The following CCDC93 variants were observed in gnomAD, a reference collection of about 807,000 sequenced individuals.
The protein encoded by CCDC93 is CCC complex scaffolding subunit CCDC93, also known as coiled-coil domain-containing protein 93.
CCDC93 carries 61 observed loss-of-function variants against 108.2 expected under a neutral mutation model. The observed-to-expected ratio is 0.56, with a 90% CI of 0.46 to 0.70. CCDC93 has a LOEUF of 0.70. CCDC93 is among the 30% of genes least tolerant of loss of function. CCDC93 has a pLI of 0.00. For synonymous variants in CCDC93, 276 were observed against 260.4 expected (o/e 1.06, Z -0.58); for missense variants, 685 against 764.2 (o/e 0.90, Z 1.22).
intron 7 of CCDC93, among the ~76,000 whole-genome samples, chr2:117,980,267 ACT>A (rs1680076790): frequency 1.3e-5 from 2 of 152,206 alleles, no homozygotes; most frequent in Non-Finnish European, 2.9e-5. Context: ...GTGGGAGGGT[ACT>A]GTTTTTTCAA....
intron 11 of CCDC93, among the ~76,000 whole-genome samples, chr2:117,961,081 G>A (rs1317505004): frequency 6.6e-6 from 1 of 151,944 alleles, no homozygotes; most frequent in South Asian, 2.1e-4. Context: ...TGGTTCACTT[G>A]GTAACCCACC....
At chr2:117,931,563 A>G (rs1455196959) in intron 22 of CCDC93, 3 of 161,580 alleles carry the variant, frequency 1.9e-5, no homozygotes, top group Non-Finnish European at 2.7e-5. Context: ...TGCACAGGAC[A>G]CCCCCACAGC....
At chr2:117,975,610 G>C (rs753383614) in intron 8 of CCDC93, among the ~76,000 whole-genome samples, 10 of 152,202 alleles carry the variant, frequency 6.6e-5, no homozygotes, top group South Asian at 2.1e-4. Context: ...TACTAAAGGA[G>C]TGTTTCTTCA....
In CCDC93 at chr2:118,008,589, C is replaced by G; in HGVS notation, c.112G>C (p.Gly38Arg). The change falls in exon 2 of 24, where the codon GGG becomes CGG. Residue 38 changes from glycine to arginine, a missense_variant. Physicochemically the swap from Gly to Arg is moderately radical, Grantham distance 125. Transcript: ENST00000376300. ...CCTTTAATTCTTGCCCTGAAATACC[C>G]AGCTGCAACCAAGAGCTCCAGAATT... ...TEILELLVAA[G>R]YFRARIKGLS... The G allele has an allele frequency of 6.2e-7, 1 of 1,613,658 alleles. No homozygotes were observed. Among genetic ancestry groups the G allele is most frequent in the Non-Finnish European group, 8.5e-7 (1 of 1,179,584 alleles).
intron 13 of CCDC93, chr2:117,950,892 T>C (rs1425976514): frequency 1.0e-6 from 1 of 985,420 alleles, no homozygotes; most frequent in Non-Finnish European, 1.2e-6. Context: ...CTCTCTGCCT[T>C]AGCTTTCCCA....
intron 10 of CCDC93, 145 bp from the exon 11 acceptor site, chr2:117,974,139 T>G: frequency 1.5e-6 from 1 of 667,502 alleles, no homozygotes; most frequent in Non-Finnish European, 2.7e-6. Context: ...TGCCACATAT[T>G]ACCAACAGAA....
intron 13 of CCDC93, chr2:117,951,668 A>G: frequency 1.0e-6 from 1 of 1,000,266 alleles, no homozygotes; most frequent in Non-Finnish European, 1.2e-6. Context: ...ATCACAAGGA[A>G]GACAGCTTTT....
chr2:117,993,153 T>C (rs543164610), intron 6 of CCDC93, among the ~76,000 whole-genome samples: 87 of 152,188 alleles, frequency 5.7e-4, no homozygotes, highest in African/African-American at 2.0e-3. Context: ...TCCCAGCACT[T>C]TGGGAGGCCG....
chr2:117,988,876 G>A (rs1464396871), intron 6 of CCDC93, among the ~76,000 whole-genome samples: 1 of 152,180 alleles, frequency 6.6e-6, no homozygotes, highest in African/African-American at 2.4e-5. Flanking sequence ...GCTCTGCTAT[G>A]TAAGTATACA....
At chr2:117,952,289 T>C in intron 13 of CCDC93, 84 bp downstream of exon 13, 1 of 923,792 alleles carries the variant, frequency 1.1e-6, no homozygotes, top group Non-Finnish European at 1.8e-6. Context: ...CACAGACCGA[T>C]GAAACACATC....
chr2:117,941,572 C>A (rs1000965319), intron 18 of CCDC93, among the ~76,000 whole-genome samples: 1 of 152,088 alleles, frequency 6.6e-6, no homozygotes, highest in African/African-American at 2.4e-5. Flanking sequence ...GGAAGGGCTT[C>A]TATGGACAGA....
intron 3 of CCDC93, among the ~76,000 whole-genome samples, chr2:118,004,001 C>G (rs559627400): frequency 2.6e-5 from 4 of 152,308 alleles, no homozygotes; most frequent in Admixed American, 1.3e-4. Flanking sequence ...ACATGCCCAG[C>G]TGTGACTAGT....
At chr2:117,945,471 G>C (rs1377184886) in intron 17 of CCDC93, 58 bp downstream of exon 17, 1 of 1,438,096 alleles carries the variant, frequency 7.0e-7, no homozygotes, top group Non-Finnish European at 9.8e-7. Context: ...CAGGAGAGTG[G>C]AAAGCTGGCC....
rs150926942 is a variant in CCDC93 at position 117,989,569 on chromosome 2, G to A, written c.520-3500C>T. Among the ~76,000 whole-genome samples, 12 of 152,318 alleles carry A rather than the reference G, an allele frequency of 7.9e-5. No homozygotes were observed. The East Asian group carries it at 1.9e-3, about 25-fold the overall frequency. ...TTGAACATGGTCTGGCATATAGTAA[G>A]TGTTCAATTAATATTACTGAATGAA... On this transcript the variant is annotated intron_variant, in intron 6 of 23. Coordinates refer to ENST00000376300, the MANE Select transcript of CCDC93 (RefSeq NM_019044.5).
rs1186957631 is a variant in CCDC93, at chr2:117,918,240, A to G, written c.*2103T>C. ...TGCAGCAAGTGTGAAATTTGAGCTC[A>G]AACTGGCTTCTGTAGTCTAATTCAA... On this transcript the variant is annotated 3_prime_UTR_variant, in exon 24 of 24. Transcript: ENST00000376300. 6.6e-6 allele frequency: 1 copy of G among 152,194 alleles called. No homozygotes were observed. Among genetic ancestry groups the G allele is most frequent in the African/African-American group, 2.4e-5 (1 of 41,456 alleles). The allele number at this position is 152,194 out of a possible 1,614,324, so 9.4% of individuals were successfully genotyped here. A position where few individuals can be genotyped will look rare whatever the true frequency, so the allele number is the denominator to read the frequency against.
chr2:117,942,130 G>A (rs1436511087), intron 18 of CCDC93, among the ~76,000 whole-genome samples: 1 of 152,202 alleles, frequency 6.6e-6, no homozygotes, highest in Non-Finnish European at 1.5e-5. Flanking sequence ...CAGGGAGAGG[G>A]AAGGATGTAT....
chr2:118,008,706 AG>A (rs2104835080), intron 1 of CCDC93, 48 bp from the exon 2 acceptor site: 1 of 1,194,224 alleles, frequency 8.4e-7, no homozygotes, highest in East Asian at 2.3e-5. Flanking sequence ...TGCTGAATAA[AG>A]GAACACCAGG....
chr2:117,967,897 A>G (rs1679639008), intron 11 of CCDC93, among the ~76,000 whole-genome samples: 1 of 152,224 alleles, frequency 6.6e-6, no homozygotes, highest in African/African-American at 2.4e-5. Context: ...TATAAGCAGG[A>G]AGGCAGCCTA....
At chr2:117,992,448 T>C (rs369935259) in intron 6 of CCDC93, among the ~76,000 whole-genome samples, 5 of 152,178 alleles carry the variant, frequency 3.3e-5, no homozygotes, top group African/African-American at 4.8e-5. Flanking sequence ...TTCACCATAT[T>C]GGCCAGGCTG....
Sources: gnomAD v4.1 joint callset for allele counts (sites outside exome capture counted in the v4.1 genomes callset) on GRCh38, gnomAD v4.1.1 for gene constraint, MANE v1.5 for transcripts, NCBI Gene and HGNC (gene_info 2026-07-23, HGNC 2026-07-21) for gene names.